TSHZ2: variants seen among roughly 807,000 people sequenced by gnomAD.
TSHZ2 encodes the protein teashirt homolog 2.
TSHZ2 carries 21 observed loss-of-function variants against 74.4 expected under a neutral mutation model. The observed-to-expected ratio is 0.28, with a 90% CI of 0.20 to 0.41. TSHZ2 has a LOEUF of 0.41. Ranked by LOEUF, TSHZ2 falls within the 10% of genes least tolerant of loss-of-function variation. The probability of loss-of-function intolerance (pLI) is 1.00; values close to 1 mark genes in which losing one functional copy is unlikely to be tolerated. For missense variants in TSHZ2, 1,244 were observed against 1,293.5 expected, an observed-to-expected ratio of 0.96 and a Z score of 0.59; for synonymous variants, 540 against 515.3, an observed-to-expected ratio of 1.05 and a Z score of -0.65.
chr20:53,172,023 G>A (rs187589490), intron 1 of TSHZ2, among the ~76,000 whole-genome samples: 1 of 152,118 alleles, frequency 6.6e-6, no homozygotes. Context: ...TGTAACTTAC[G>A]AGGAAAAAAA....
intron 1 of TSHZ2, among the ~76,000 whole-genome samples, chr20:53,203,504 C>T (rs1989059990): frequency 1.3e-5 from 2 of 152,072 alleles, no homozygotes; most frequent in South Asian, 4.2e-4. Flanking sequence ...GGGTCTCAAA[C>T]TCATAGGTCT....
At chr20:53,345,728 C>T (rs1429166983) in intron 2 of TSHZ2, among the ~76,000 whole-genome samples, 1 of 150,524 alleles carries the variant, frequency 6.6e-6, no homozygotes, top group African/African-American at 2.5e-5. Flanking sequence ...GGCCAAGAGC[C>T]TCCTCCCTGC....
At chr20:53,145,421 A>G (rs763780483) in intron 1 of TSHZ2, among the ~76,000 whole-genome samples, 26 of 152,138 alleles carry the variant, frequency 1.7e-4, no homozygotes, top group Non-Finnish European at 2.8e-4. Flanking sequence ...CGAGAATGAC[A>G]CCTTGTATCA....
intron 1 of TSHZ2, among the ~76,000 whole-genome samples, chr20:53,021,573 C>T (rs1227262518): frequency 6.6e-6 from 1 of 152,162 alleles, no homozygotes; most frequent in Non-Finnish European, 1.5e-5. Context: ...AGCATTTCTT[C>T]CAATAATTTC....
chr20:53,254,304 C>T lies in TSHZ2; in HGVS notation c.846C>T (p.Asp282=), dbSNP rs564692924. The change falls in exon 2 of 3, where the codon GAC becomes GAT. Residue 282 remains aspartate, a synonymous_variant. Transcript: ENST00000371497. ...QKVLKCMFCG[D]SFDSLQDLSV... Reference sequence around the variant, plus strand: ...TTCTGAAATGTATGTTTTGTGGCGACTCCTTTGATTCCCTCCAAGATTTGA... The same window carrying T: ...TTCTGAAATGTATGTTTTGTGGCGATTCCTTTGATTCCCTCCAAGATTTGA... 100 of 1,614,142 alleles carry T rather than the reference C, an allele frequency of 6.2e-5. 1 individual carries two copies. Among genetic ancestry groups the T allele is most frequent in the East Asian group, 4.9e-4 (22 of 44,882 alleles).
intron 1 of TSHZ2, among the ~76,000 whole-genome samples, chr20:53,130,636 T>C: frequency 6.6e-6 from 1 of 152,082 alleles, no homozygotes; most frequent in South Asian, 2.1e-4. Context: ...AAAAAATATA[T>C]ATATAAATAA....
At chr20:53,420,276 C>T (rs1370510164) in intron 2 of TSHZ2, among the ~76,000 whole-genome samples, 1 of 152,072 alleles carries the variant, frequency 6.6e-6, no homozygotes, top group Non-Finnish European at 1.5e-5. Context: ...TCAGAGAAGG[C>T]GGAAAAGGTG....
chr20:53,124,177 T>G (rs1986886120), intron 1 of TSHZ2, among the ~76,000 whole-genome samples: 1 of 152,210 alleles, frequency 6.6e-6, no homozygotes, highest in African/African-American at 2.4e-5. Context: ...AAATGCATTT[T>G]ATGTAATCCT....
At chr20:53,451,428 G>A (rs545126417) in intron 2 of TSHZ2, among the ~76,000 whole-genome samples, 1 of 152,172 alleles carries the variant, frequency 6.6e-6, no homozygotes, top group South Asian at 2.1e-4. Context: ...GACTTAGAAT[G>A]CTTTGCTATA....
intron 1 of TSHZ2, among the ~76,000 whole-genome samples, chr20:53,119,573 C>A (rs1394067040): frequency 2.0e-5 from 3 of 152,054 alleles, no homozygotes; most frequent in African/African-American, 7.2e-5. Context: ...CCCAATGGAG[C>A]TATGTTTTAT....
At chr20:53,003,639 C>T (rs763529963) in intron 1 of TSHZ2, among the ~76,000 whole-genome samples, 12 of 152,068 alleles carry the variant, frequency 7.9e-5, no homozygotes, top group Non-Finnish European at 1.8e-4. Context: ...TTCATTCTTC[C>T]CTATCCACTA....
At position 53,363,238 on chromosome 20, in the gene TSHZ2, C is replaced by T. The variant is rs577029309; in HGVS notation, c.*8+106667C>T. Among the ~76,000 whole-genome samples the T allele has an allele frequency of 8.2e-4, 125 of 152,338 alleles. 1 individual carries two copies. The highest frequency in any genetic ancestry group is 1.5e-3 in the Non-Finnish European group (104 of 68,032). The stretch of plus-strand genomic sequence containing the variant: ...TTTTCCTATCTTGCTATACCATCAC[C>T]CTAGCTGTGCTTCCTGGGATCATCT... On this transcript the variant is annotated intron_variant, in intron 2 of 2. Coordinates refer to ENST00000371497, the MANE Select transcript of TSHZ2 (RefSeq NM_173485.6).
In TSHZ2 at chr20:53,276,835, A is replaced by G. The variant is rs192665023; in HGVS notation, c.*8+20264A>G. 3.5e-3 allele frequency among the ~76,000 whole-genome samples: 536 copies of G among 152,304 alleles called. 1 individual carries two copies. The highest frequency in any genetic ancestry group is 6.6e-3 in the Non-Finnish European group (447 of 68,032). On this transcript the variant is annotated intron_variant, in intron 2 of 2. Transcript: ENST00000371497. Reference sequence around the variant, plus strand: ...GAACCATTGCTTTAAGTACCTGGGCATGTTGTAAGTGCTCCAGATAGTTTG... The same window carrying G: ...GAACCATTGCTTTAAGTACCTGGGCGTGTTGTAAGTGCTCCAGATAGTTTG...
At chr20:53,463,313 T>C (rs1985438700) in intron 2 of TSHZ2, among the ~76,000 whole-genome samples, 1 of 151,150 alleles carries the variant, frequency 6.6e-6, no homozygotes, top group Non-Finnish European at 1.5e-5. Context: ...CATGAGCCCA[T>C]GAGCCTAGGA....
intron 2 of TSHZ2, among the ~76,000 whole-genome samples, chr20:53,338,803 G>A (rs1980061471): frequency 6.6e-6 from 1 of 151,950 alleles, no homozygotes; most frequent in Admixed American, 6.5e-5. Flanking sequence ...CAGGAGTACT[G>A]AGGGCGAGAA....
intron 1 of TSHZ2, among the ~76,000 whole-genome samples, chr20:52,978,927 T>A (rs1981454741): frequency 6.6e-6 from 1 of 152,220 alleles, no homozygotes; most frequent in African/African-American, 2.4e-5. Flanking sequence ...ACATTCATTT[T>A]TCAGTAATTT....
rs1979479001 is a variant in TSHZ2 at position 53,326,013 on chromosome 20, C to A, written c.*8+69442C>A. Among the ~76,000 whole-genome samples the A allele has an allele frequency of 2.0e-5, 3 of 152,148 alleles. No homozygotes were observed. In the South Asian group the frequency reaches 6.2e-4, roughly 32 times the overall value. ...GGCTAGGCTGGTATCAAACTTCTGA[C>A]CTCGTGATTCCCCCCTCCTCAGCCT... is the stretch of plus-strand genomic sequence containing the variant. On this transcript the variant is annotated intron_variant, in intron 2 of 2. Coordinates refer to ENST00000371497, the MANE Select transcript of TSHZ2 (RefSeq NM_173485.6).
chr20:53,284,258 G>C (rs1991121017), intron 2 of TSHZ2, among the ~76,000 whole-genome samples: 1 of 152,250 alleles, frequency 6.6e-6, no homozygotes, highest in African/African-American at 2.4e-5. Flanking sequence ...TCAATCTAAT[G>C]AACTCCAACC....
In TSHZ2 at chr20:53,121,325, C is replaced by A. The variant is rs190842333; in HGVS notation, c.41-132174C>A. Among the ~76,000 whole-genome samples, 62 of 152,226 alleles carry A rather than the reference C, an allele frequency of 4.1e-4. 1 individual carries two copies. In the South Asian group the frequency reaches 0.012, roughly 30 times the overall value. On this transcript the variant is annotated intron_variant, in intron 1 of 2. Transcript: ENST00000371497. ...AGGATTAAATTTAGGGTTACAATATCTAATACCCCAAATCTAGTATTAAAA... is the reference window on the plus strand; with the variant it reads ...AGGATTAAATTTAGGGTTACAATATATAATACCCCAAATCTAGTATTAAAA...
Sources: gnomAD v4.1 joint callset for allele counts (sites outside exome capture counted in the v4.1 genomes callset) on GRCh38, gnomAD v4.1.1 for gene constraint, MANE v1.5 for transcripts, NCBI Gene and HGNC (gene_info 2026-07-23, HGNC 2026-07-21) for gene names.